LHFPL3: variants seen among roughly 807,000 people sequenced by gnomAD.
LHFPL3 encodes the protein LHFPL tetraspan subfamily member 3, also known as LHFPL tetraspan subfamily member 3 protein.
LHFPL3 carries 5 observed loss-of-function variants against 19.3 expected under a neutral mutation model. The observed-to-expected ratio is 0.26, with a 90% confidence interval of 0.14 to 0.54. The LOEUF (loss-of-function observed/expected upper bound fraction) is 0.54, where lower values mean the gene tolerates loss of function less well. Ranked by LOEUF, LHFPL3 falls within the 20% of genes least tolerant of loss-of-function variation. The pLI is 0.94. For missense variants in LHFPL3, 249 were observed against 307.4 expected (o/e 0.81, Z 1.42); for synonymous variants, 133 against 126.2 (o/e 1.05, Z -0.36).
At chr7:104,535,759 G>A (rs1794378346) in intron 1 of LHFPL3, among the ~76,000 whole-genome samples, 1 of 152,214 alleles carries the variant, frequency 6.6e-6, no homozygotes, top group Non-Finnish European at 1.5e-5. Flanking sequence ...CAACCAATGA[G>A]ACAAGAAAGA....
intron 1 of LHFPL3, among the ~76,000 whole-genome samples, chr7:104,591,735 T>C (rs1351288973): frequency 6.6e-6 from 1 of 152,194 alleles, no homozygotes; most frequent in Non-Finnish European, 1.5e-5. Flanking sequence ...CATTCTCCCC[T>C]TCACTTTCAG....
intron 1 of LHFPL3, among the ~76,000 whole-genome samples, chr7:104,395,172 T>C (rs1027563875): frequency 3.9e-5 from 6 of 152,140 alleles, no homozygotes; most frequent in Admixed American, 1.3e-4. Context: ...AATTATTTCA[T>C]TTGGTGTTAG....
intron 1 of LHFPL3, among the ~76,000 whole-genome samples, chr7:104,620,902 AACC>A (rs1791432551): frequency 6.6e-6 from 1 of 152,174 alleles, no homozygotes; most frequent in African/African-American, 2.4e-5. Context: ...AAGGCTGGAG[AACC>A]AGTTTTGTTT....
chr7:104,401,835 A>G (rs911072130), intron 1 of LHFPL3, among the ~76,000 whole-genome samples: 2 of 152,226 alleles, frequency 1.3e-5, no homozygotes, highest in Non-Finnish European at 2.9e-5. Context: ...TGCACCCCTC[A>G]TTAAGAGAAA....
chr7:104,527,157 AG>A (rs1794204575), intron 1 of LHFPL3, among the ~76,000 whole-genome samples: 1 of 152,220 alleles, frequency 6.6e-6, no homozygotes, highest in Non-Finnish European at 1.5e-5. Context: ...CTGTAGCAGT[AG>A]GTGGCAGTGA....
intron 1 of LHFPL3, among the ~76,000 whole-genome samples, chr7:104,681,608 C>T (rs896622650): frequency 2.8e-5 from 4 of 143,020 alleles, no homozygotes; most frequent in Non-Finnish European, 4.5e-5. Context: ...GGTGACAGAG[C>T]GAGACTAAGG....
intron 1 of LHFPL3, among the ~76,000 whole-genome samples, chr7:104,487,663 G>T (rs565692890): frequency 3.9e-5 from 6 of 152,312 alleles, no homozygotes; most frequent in African/African-American, 1.4e-4. Flanking sequence ...TAATAAGATG[G>T]CATGGAACAA....
chr7:104,486,969 C>G (rs1006370831), intron 1 of LHFPL3, among the ~76,000 whole-genome samples: 1 of 151,946 alleles, frequency 6.6e-6, no homozygotes, highest in Non-Finnish European at 1.5e-5. Flanking sequence ...CTATTATTTT[C>G]TCATTAATAT....
chr7:104,386,044 A>G (rs4730004), intron 1 of LHFPL3, among the ~76,000 whole-genome samples: 51,785 of 152,030 alleles, frequency 0.34, 9,181 homozygotes, highest in Admixed American at 0.48. Flanking sequence ...CGGTAAGAAC[A>G]GTGAGCTTTG....
intron 2 of LHFPL3, among the ~76,000 whole-genome samples, chr7:104,863,239 CA>C (rs1791650406): frequency 6.6e-6 from 1 of 152,286 alleles, no homozygotes; most frequent in East Asian, 1.9e-4. Flanking sequence ...GTGAATGATG[CA>C]AAAATGATGG....
chr7:104,783,879 T>C (rs191924353), intron 2 of LHFPL3, among the ~76,000 whole-genome samples: 1 of 152,308 alleles, frequency 6.6e-6, no homozygotes, highest in Admixed American at 6.5e-5. Context: ...AGAATCTGGG[T>C]CATGCAACTG....
intron 1 of LHFPL3, among the ~76,000 whole-genome samples, chr7:104,432,711 C>G (rs1389063845): frequency 6.6e-6 from 1 of 152,226 alleles, no homozygotes; most frequent in African/African-American, 2.4e-5. Flanking sequence ...TAGGTTGCCT[C>G]TATCTGTCAG....
At chr7:104,681,506 C>T (rs910230626) in intron 1 of LHFPL3, among the ~76,000 whole-genome samples, 7 of 151,854 alleles carry the variant, frequency 4.6e-5, no homozygotes, top group African/African-American at 1.7e-4. Flanking sequence ...CCTGTAATCC[C>T]AGCTACTCAG....
chr7:104,457,123 T>G (rs1792558333), intron 1 of LHFPL3, among the ~76,000 whole-genome samples: 1 of 152,096 alleles, frequency 6.6e-6, no homozygotes, highest in East Asian at 1.9e-4. Flanking sequence ...ACATTTTTAT[T>G]TTATTATTAT....
At chr7:104,378,557 CAT>C (rs755732930) in intron 1 of LHFPL3, among the ~76,000 whole-genome samples, 1 of 152,176 alleles carries the variant, frequency 6.6e-6, no homozygotes, top group African/African-American at 2.4e-5. Flanking sequence ...TGGGTAAACA[CAT>C]AAGAGTAGAA....
At chr7:104,459,429 G>A (rs1792614343) in intron 1 of LHFPL3, among the ~76,000 whole-genome samples, 1 of 152,194 alleles carries the variant, frequency 6.6e-6, no homozygotes. Context: ...GAGGAGTCAA[G>A]ATAATAAGAT....
At chr7:104,761,840 C>A (rs1244819822) in intron 2 of LHFPL3, among the ~76,000 whole-genome samples, 2 of 152,160 alleles carry the variant, frequency 1.3e-5, no homozygotes, top group African/African-American at 4.8e-5. Flanking sequence ...ATATTGCCAT[C>A]CTTTTAATAG....
chr7:104,626,736 G>T (rs1172135984), intron 1 of LHFPL3, among the ~76,000 whole-genome samples: 1 of 152,144 alleles, frequency 6.6e-6, no homozygotes, highest in Non-Finnish European at 1.5e-5. Context: ...CAGATTTAGG[G>T]TGAGCAGGCT....
intron 2 of LHFPL3, among the ~76,000 whole-genome samples, chr7:104,742,433 G>A (rs1793952208): frequency 3.9e-5 from 6 of 152,206 alleles, no homozygotes; most frequent in Admixed American, 3.9e-4. Context: ...TGCTATAGTG[G>A]AGGAGGTAGA....
Sources: gnomAD v4.1 joint callset for allele counts (sites outside exome capture counted in the v4.1 genomes callset) on GRCh38, gnomAD v4.1.1 for gene constraint, MANE v1.5 for transcripts, NCBI Gene and HGNC (gene_info 2026-07-23, HGNC 2026-07-21) for gene names.